Variants in PDCD10 observed in about 807,000 individuals in gnomAD.
The protein encoded by PDCD10 is programmed cell death 10.
Under a neutral mutation model 29.2 loss-of-function variants are expected in PDCD10, and 4 were observed. The ratio of observed to expected loss-of-function variants is 0.14; its 90% confidence interval spans 0.07 to 0.31. The LOEUF is 0.31. Among genes scored for constraint, PDCD10 ranks in the 10% least tolerant of loss-of-function variants. PDCD10 has a pLI of 1.00. For synonymous variants in PDCD10, 70 were observed against 82.2 expected, an observed-to-expected ratio of 0.85 and a Z score of 0.80; for missense variants, 183 against 257.9, an observed-to-expected ratio of 0.71 and a Z score of 1.99.
At position 167,720,284 on chromosome 3, in the gene PDCD10, A is replaced by G. The variant is rs1723437398; in HGVS notation, c.-116-11T>C. 3 of 689,470 alleles carry G rather than the reference A, an allele frequency of 4.4e-6. No homozygotes were observed. Among genetic ancestry groups the G allele is most frequent in the Middle Eastern group, 2.5e-4 (1 of 4,008 alleles). 42.7% of individuals were successfully genotyped at this position (689,470 alleles called of 1,614,324 possible). ...AAAAAACACACTGATCTGGTGAAAG[A>G]GGAAGAAAGAACAGAGACTTACTAT... On this transcript the variant is annotated splice_polypyrimidine_tract_variant and intron_variant, in intron 2 of 8. Transcript: ENST00000392750.
intron 3 of PDCD10, 64 bp downstream of exon 3, chr3:167,719,998 G>A (rs1001007480): frequency 2.9e-5 from 30 of 1,029,274 alleles, no homozygotes; most frequent in African/African-American, 4.7e-5. Context: ...ACAAGCAGAC[G>A]AATAAATAAA....
chr3:167,686,036 C>G (rs575708057), intron 8 of PDCD10, among the ~76,000 whole-genome samples: 12 of 152,194 alleles, frequency 7.9e-5, no homozygotes, highest in Non-Finnish European at 1.6e-4. Context: ...TACAATAATA[C>G]TGTAATGATG....
At chr3:167,693,240 T>C (rs1198497734) in intron 6 of PDCD10, among the ~76,000 whole-genome samples, 3 of 152,240 alleles carry the variant, frequency 2.0e-5, no homozygotes, top group Non-Finnish European at 2.9e-5. Context: ...TCTTTCATAA[T>C]TGAGATTTCA....
intron 3 of PDCD10, among the ~76,000 whole-genome samples, chr3:167,713,714 T>C (rs1255408117): frequency 6.6e-6 from 1 of 151,756 alleles, no homozygotes; most frequent in Non-Finnish European, 1.5e-5. Context: ...GACGAAAAGG[T>C]AGCCATTACA....
At chr3:167,696,197 T>C (rs1720789445) in intron 5 of PDCD10, among the ~76,000 whole-genome samples, 1 of 152,142 alleles carries the variant, frequency 6.6e-6, no homozygotes, top group Admixed American at 6.5e-5. Context: ...CCAAATAATC[T>C]AATAAAATCT....
chr3:167,725,785 A>ATATG (rs1724088680), intron 2 of PDCD10, among the ~76,000 whole-genome samples: 1 of 114,144 alleles, frequency 8.8e-6, no homozygotes, highest in Non-Finnish European at 1.7e-5. Context: ...ATATATATAT[A>ATATG]TATATATATA....
intron 4 of PDCD10, chr3:167,697,851 C>T (rs903603662): frequency 4.4e-5 from 20 of 449,596 alleles, no homozygotes; most frequent in Admixed American, 7.1e-5. Context: ...CTGAGTTTAC[C>T]AAAGCCAGAG....
At chr3:167,708,345 CTG>C (rs973243614) in intron 3 of PDCD10, among the ~76,000 whole-genome samples, 3 of 150,612 alleles carry the variant, frequency 2.0e-5, no homozygotes, top group Non-Finnish European at 2.9e-5. Flanking sequence ...TTTGTGAAAG[CTG>C]TGTGTTTTGT....
rs534188330 is a variant in PDCD10, at chr3:167,689,685, G to A, written c.396-1992C>T. Reference sequence around the variant, plus strand: ...ATTTTAAAAGGGGGTGGGGGGAGGCGCAACTCCTCAGGTGACTGCTGATGA... The same window carrying A: ...ATTTTAAAAGGGGGTGGGGGGAGGCACAACTCCTCAGGTGACTGCTGATGA... On this transcript the variant is annotated intron_variant, in intron 6 of 8. Coordinates refer to ENST00000392750, the MANE Select transcript of PDCD10 (RefSeq NM_007217.4). 3.4e-4 allele frequency among the ~76,000 whole-genome samples: 52 copies of A among 152,100 alleles called. 1 individual carries two copies. The highest frequency in any genetic ancestry group is 1.2e-3 in the African/African-American group (50 of 41,492).
intron 4 of PDCD10, among the ~76,000 whole-genome samples, chr3:167,697,585 G>C (rs1282316415): frequency 6.6e-6 from 1 of 151,200 alleles, no homozygotes; most frequent in Non-Finnish European, 1.5e-5. Flanking sequence ...GAGAATGCCA[G>C]GAAAAACAAA....
chr3:167,690,957 G>C (rs1342393603), intron 6 of PDCD10, among the ~76,000 whole-genome samples: 3 of 152,174 alleles, frequency 2.0e-5, no homozygotes, highest in Non-Finnish European at 4.4e-5. Context: ...TAGCTGTCAG[G>C]ATTCTTTTTT....
At chr3:167,729,413 A>G (rs535004995) in intron 2 of PDCD10, among the ~76,000 whole-genome samples, 5 of 152,274 alleles carry the variant, frequency 3.3e-5, no homozygotes, top group African/African-American at 1.2e-4. Flanking sequence ...TCTCTCTCCA[A>G]TGCAGTTCAA....
rs1463194234 is a variant in PDCD10 at position 167,704,877 on chromosome 3, A to C, written c.115T>G (p.Ser39Ala). The C allele has an allele frequency of 1.2e-6, 2 of 1,607,520 alleles. No individual in the cohort carries two copies. The highest frequency in any genetic ancestry group is 1.7e-6 in the Non-Finnish European group (2 of 1,174,398). The change falls in exon 4 of 9, where the codon TCT (serine) becomes GCT (alanine). Residue 39 changes from serine (S) to alanine (A), a missense_variant. Physicochemically the swap from Ser to Ala is moderately conservative, Grantham distance 99 (BLOSUM62 1). Transcript: ENST00000392750. ...GCGGCTCTCAGTGTCTGGGCTGCAGACAGATTTACTCGTTCTAGCTGCAAT... is the reference window on the plus strand; with the variant it reads ...GCGGCTCTCAGTGTCTGGGCTGCAGCCAGATTTACTCGTTCTAGCTGCAAT... ...VFNELERVNL[S>A]AAQTLRAAFI...
intron 2 of PDCD10, among the ~76,000 whole-genome samples, chr3:167,723,573 T>G (rs769521850): frequency 1.3e-5 from 2 of 152,220 alleles, no homozygotes; most frequent in Non-Finnish European, 2.9e-5. Flanking sequence ...TGTAGTGACT[T>G]GCTCCTGGTC....
intron 8 of PDCD10, among the ~76,000 whole-genome samples, chr3:167,686,138 A>C (rs1719598510): frequency 6.6e-6 from 1 of 152,232 alleles, no homozygotes; most frequent in Admixed American, 6.5e-5. Flanking sequence ...CTGTTAAAAA[A>C]TAATCTTGTT....
chr3:167,709,548 T>C (rs1302754240), intron 3 of PDCD10, among the ~76,000 whole-genome samples: 1 of 152,126 alleles, frequency 6.6e-6, no homozygotes, highest in Non-Finnish European at 1.5e-5. Flanking sequence ...CATTTGGACG[T>C]GACACGGTCA....
chr3:167,702,048 C>CT (rs919186602), intron 4 of PDCD10, among the ~76,000 whole-genome samples: 1 of 152,204 alleles, frequency 6.6e-6, no homozygotes, highest in Non-Finnish European at 1.5e-5. Flanking sequence ...TTCAAGGCTG[C>CT]TTTATGACAT....
chr3:167,683,720 CTG>C lies in PDCD10; in HGVS notation c.*586_*587del, dbSNP rs1719284624. ...AACAAAAATATTTCCATTGACTACT[CTG>C]TGTCCAAAGTGATTAAGGACAAAAA... On this transcript the variant is annotated 3_prime_UTR_variant, in exon 9 of 9. Transcript: ENST00000392750. 1 of 151,634 alleles carries C rather than the reference CTG, an allele frequency of 6.6e-6. No individual in the cohort carries two copies. The highest frequency in any genetic ancestry group is 1.5e-5 in the Non-Finnish European group (1 of 67,828). 9.4% of individuals were successfully genotyped at this position (151,634 alleles called of 1,614,324 possible). A position where few individuals can be genotyped will look rare whatever the true frequency, so the allele number is the denominator to read the frequency against.
chr3:167,717,255 A>T (rs1723115098), intron 3 of PDCD10, among the ~76,000 whole-genome samples: 1 of 152,022 alleles, frequency 6.6e-6, no homozygotes, highest in South Asian at 2.1e-4. Flanking sequence ...CCTCAGGTGT[A>T]AACATGTCCT....
Sources: gnomAD v4.1 joint callset for allele counts (sites outside exome capture counted in the v4.1 genomes callset) on GRCh38, gnomAD v4.1.1 for gene constraint, MANE v1.5 for transcripts, NCBI Gene and HGNC (gene_info 2026-07-23, HGNC 2026-07-21) for gene names.